The following GSE1 variants were observed in gnomAD, a reference collection of about 807,000 sequenced individuals.
GSE1 encodes the protein Gse1 coiled-coil protein.
Under a neutral mutation model 112.6 loss-of-function variants are expected in GSE1, and 32 were observed. The observed-to-expected ratio is 0.28, with a 90% CI of 0.21 to 0.38. The LOEUF (loss-of-function observed/expected upper bound fraction) is 0.38. Among genes scored for constraint, GSE1 ranks in the 10% least tolerant of loss-of-function variants. The pLI is 1.00. For missense variants in GSE1, 2,348 were observed against 1,699.2 expected (o/e 1.38, Z -6.71); for synonymous variants, 1,115 against 735.6 (o/e 1.52, Z -8.35).
chr16:85,661,588 C>G lies in GSE1; in HGVS notation c.2083C>G (p.Gln695Glu), dbSNP rs1362243915. Residue 695 changes from glutamine (Q) to glutamate (E), a missense_variant, in exon 9 of 16, where the codon CAG becomes GAG. Physicochemically the swap from Gln to Glu is conservative, Grantham distance 29 (BLOSUM62 2). Coordinates refer to ENST00000253458, the MANE Select transcript of GSE1 (RefSeq NM_014615.5). ...GGGCCAGCAGCGGGCCTCCCTCCCA[C>G]AGGCGGCCACCTTCGGGGAGCTCAG... ...ILGQQRASLP[Q>E]AATFGELSGP... The G allele has an allele frequency of 3.7e-6, 6 of 1,610,238 alleles. No homozygotes were observed. In the South Asian group the frequency reaches 6.6e-5, roughly 18 times the overall value.
intron 1 of GSE1, among the ~76,000 whole-genome samples, chr16:85,323,475 G>A (rs888487820): frequency 6.6e-6 from 1 of 152,280 alleles, no homozygotes; most frequent in African/African-American, 2.4e-5. Flanking sequence ...GGCCCAGAGA[G>A]ACAGGGCGTC....
intron 1 of GSE1, among the ~76,000 whole-genome samples, chr16:85,569,081 G>A (rs1316644353): frequency 6.6e-6 from 1 of 152,220 alleles, no homozygotes; most frequent in East Asian, 1.9e-4. Flanking sequence ...AAGCCTTCTT[G>A]AAATAGTAAG....
intron 2 of GSE1, among the ~76,000 whole-genome samples, chr16:85,438,275 G>A (rs557870665): frequency 6.6e-6 from 1 of 152,186 alleles, no homozygotes; most frequent in Admixed American, 6.5e-5. Context: ...AGCCCAGCCC[G>A]GGGGACCTTG....
At chr16:85,428,483 C>T (rs8049860) in intron 2 of GSE1, among the ~76,000 whole-genome samples, 5 of 151,856 alleles carry the variant, frequency 3.3e-5, no homozygotes, top group African/African-American at 4.8e-5. Context: ...GGGCGATAAT[C>T]GCCCCTGCCT....
intron 1 of GSE1, among the ~76,000 whole-genome samples, chr16:85,290,788 A>G (rs532796110): frequency 6.6e-6 from 1 of 151,732 alleles, no homozygotes; most frequent in East Asian, 2.0e-4. Context: ...CATGCTGACC[A>G]GATGGCCGGC....
At chr16:85,666,529 TA>T in intron 13 of GSE1, 182 bp downstream of exon 13, 1 of 642,266 alleles carries the variant, frequency 1.6e-6, no homozygotes, top group Non-Finnish European at 2.7e-6. Context: ...CTCCAAGCTC[TA>T]AAACCTGAAC....
intron 1 of GSE1, among the ~76,000 whole-genome samples, chr16:85,235,325 A>G (rs115663554): frequency 3.1e-3 from 472 of 150,618 alleles, no homozygotes; most frequent in African/African-American, 0.011. Context: ...TCCCCAGGCG[A>G]AGAGGGGTTG....
chr16:85,500,096 A>G (rs1449308871), intron 2 of GSE1, among the ~76,000 whole-genome samples: 1 of 152,234 alleles, frequency 6.6e-6, no homozygotes, highest in Non-Finnish European at 1.5e-5. Context: ...TGGTGTTAGT[A>G]CTGTGGAATA....
intron 1 of GSE1, among the ~76,000 whole-genome samples, chr16:85,313,071 C>G (rs1201996997): frequency 6.6e-6 from 1 of 152,188 alleles, no homozygotes. Flanking sequence ...AGCTCTGACA[C>G]TCCAGTGCAC....
At chr16:85,267,420 G>T (rs576448028) in intron 1 of GSE1, among the ~76,000 whole-genome samples, 206 of 152,252 alleles carry the variant, frequency 1.4e-3, no homozygotes, top group Non-Finnish European at 2.4e-3. Flanking sequence ...AGGATACCTG[G>T]CATGGAGGGG....
At chr16:85,621,854 A>G (rs2048762687) in intron 1 of GSE1, among the ~76,000 whole-genome samples, 1 of 152,094 alleles carries the variant, frequency 6.6e-6, no homozygotes, top group Non-Finnish European at 1.5e-5. Flanking sequence ...TTACCTGCCC[A>G]CCTCGGGCTC....
At chr16:85,568,866 G>A (rs1187603672) in intron 1 of GSE1, among the ~76,000 whole-genome samples, 1 of 152,230 alleles carries the variant, frequency 6.6e-6, no homozygotes, top group African/African-American at 2.4e-5. Flanking sequence ...TGGAGCTGCT[G>A]TGGATGAGGG....
chr16:85,331,045 C>T (rs76494390), intron 1 of GSE1, among the ~76,000 whole-genome samples: 9,325 of 152,154 alleles, frequency 0.061, 339 homozygotes, highest in Non-Finnish European at 0.079. Context: ...AGGCTGGGCA[C>T]CTAGCCTCTC....
At chr16:85,671,554 C>T (rs910007695) in intron 15 of GSE1, among the ~76,000 whole-genome samples, 4 of 152,112 alleles carry the variant, frequency 2.6e-5, no homozygotes, top group Admixed American at 1.3e-4. Context: ...TTCAAGGCTG[C>T]AGTGAGCTCT....
At chr16:85,317,755 C>T (rs550459651) in intron 1 of GSE1, among the ~76,000 whole-genome samples, 3 of 152,334 alleles carry the variant, frequency 2.0e-5, no homozygotes, top group South Asian at 2.1e-4. Context: ...GCTTTCCTGC[C>T]GCGCTGCCCA....
chr16:85,480,786 T>G (rs73263201), intron 2 of GSE1, among the ~76,000 whole-genome samples: 5,379 of 152,202 alleles, frequency 0.035, 330 homozygotes, highest in African/African-American at 0.12. Context: ...CCCCACCGTC[T>G]GATTTTTCTG....
At chr16:85,643,664 C>T (rs2050625573) in intron 2 of GSE1, among the ~76,000 whole-genome samples, 1 of 152,200 alleles carries the variant, frequency 6.6e-6, no homozygotes, top group African/African-American at 2.4e-5. Flanking sequence ...TGTGCATCCC[C>T]TTATGGCATG....
intron 2 of GSE1, among the ~76,000 whole-genome samples, chr16:85,511,297 CG>C (rs2051736939): frequency 6.6e-6 from 1 of 152,192 alleles, no homozygotes; most frequent in South Asian, 2.1e-4. Context: ...GAGGCCAAGG[CG>C]GGTGGATCAC....
intron 14 of GSE1, 53 bp from the exon 15 acceptor site, chr16:85,670,942 G>A (rs1400150012): frequency 1.8e-6 from 2 of 1,109,166 alleles, no homozygotes; most frequent in South Asian, 1.2e-5. Flanking sequence ...GCACAAAGCG[G>A]GCCTTCGGGC....
Sources: gnomAD v4.1 joint callset for allele counts (sites outside exome capture counted in the v4.1 genomes callset) on GRCh38, gnomAD v4.1.1 for gene constraint, MANE v1.5 for transcripts, NCBI Gene and HGNC (gene_info 2026-07-23, HGNC 2026-07-21) for gene names.